CLPP: variants seen among roughly 807,000 people sequenced by gnomAD.
CLPP encodes ATP-dependent Clp protease proteolytic subunit, mitochondrial.
A neutral mutation model predicts 27.4 loss-of-function variants in CLPP; 14 were observed. That is an observed-to-expected ratio of 0.51 (90% CI 0.34 to 0.80). The LOEUF (loss-of-function observed/expected upper bound fraction) is 0.80. Among genes scored for constraint, CLPP ranks in the 30% least tolerant of loss-of-function variants. CLPP has a pLI of 0.02. For synonymous variants in CLPP, 193 were observed against 166.6 expected (o/e 1.16, Z -1.22); for missense variants, 361 against 403.6 (o/e 0.89, Z 0.90).
intron 4 of CLPP, 108 bp downstream of exon 4, chr19:6,364,747 G>A (rs1169561669): frequency 2.2e-6 from 2 of 915,738 alleles, no homozygotes; most frequent in African/African-American, 1.8e-5. Context: ...TTTTTTTTTT[G>A]AGATGGAGTC....
At position 6,361,886 on chromosome 19, in the gene CLPP, C is replaced by T. The variant is rs746981582; in HGVS notation, c.216C>T (p.Ala72=). The T allele has an allele frequency of 1.7e-5, 27 of 1,599,078 alleles. No individual in the cohort carries two copies. In the African/African-American group the frequency reaches 3.5e-4, roughly 21 times the overall value. ...VVEQTGRGER[A]YDIYSRLLRE... ...ACCCCCAGGGTCGCGGCGAGCGCGCCTATGACATCTACTCGCGGCTGCTGC... is the reference window on the plus strand; with the variant it reads ...ACCCCCAGGGTCGCGGCGAGCGCGCTTATGACATCTACTCGCGGCTGCTGC... Residue 72 remains alanine, a synonymous_variant, in exon 2 of 6, where the codon GCC becomes GCT. Transcript: ENST00000245816.
At chr19:6,363,743 C>A (rs2091847678) in intron 3 of CLPP, among the ~76,000 whole-genome samples, 1 of 151,576 alleles carries the variant, frequency 6.6e-6, no homozygotes. Context: ...ACTAAAAATA[C>A]AAAAATTAGC....
chr19:6,364,439 C>T lies in CLPP; in HGVS notation c.368-13C>T, dbSNP rs2091851460. On this transcript the variant is annotated splice_polypyrimidine_tract_variant and intron_variant, in intron 3 of 5. Coordinates refer to ENST00000245816, the MANE Select transcript of CLPP (RefSeq NM_006012.4). ...GAGCTGGTCCAGCCCCTCACTTGCT[C>T]CCCCGCCCACAGGTGGTGTGGTGAC... 1 of 1,599,092 alleles carries T rather than the reference C, an allele frequency of 6.3e-7. No individual in the cohort carries two copies. Among genetic ancestry groups the T allele is most frequent in the East Asian group, 2.3e-5 (1 of 44,062 alleles).
Position 6,367,431 on chromosome 19 carries a change from A to G in CLPP, c.661+1068A>G, listed in dbSNP as rs193214609. ...CACAGCATCACAGATGAATTTTGCAAATATGTTGCATGAAAGAAGAATAAA... is the reference window on the plus strand; with the variant it reads ...CACAGCATCACAGATGAATTTTGCAGATATGTTGCATGAAAGAAGAATAAA... On this transcript the variant is annotated intron_variant, in intron 5 of 5. Transcript: ENST00000245816. 3.7e-4 allele frequency among the ~76,000 whole-genome samples: 56 copies of G among 152,194 alleles called. 1 individual carries two copies. The highest frequency in any genetic ancestry group is 1.1e-3 in the African/African-American group (47 of 41,532).
intron 3 of CLPP, among the ~76,000 whole-genome samples, chr19:6,363,471 AC>A (rs557646345): frequency 1.3e-5 from 2 of 152,098 alleles, no homozygotes; most frequent in Non-Finnish European, 2.9e-5. Flanking sequence ...CCCATGGTCC[AC>A]TGGCACATCT....
chr19:6,362,092 C>T (rs2091837837), intron 2 of CLPP, 152 bp downstream of exon 2: 1 of 706,116 alleles, frequency 1.4e-6, no homozygotes, highest in Non-Finnish European at 2.4e-6. Context: ...TCCTGGCTCC[C>T]GGTCCCCCAA....
At chr19:6,362,059 CT>C (rs2091837569) in intron 2 of CLPP, 119 bp downstream of exon 2, 5 of 909,592 alleles carry the variant, frequency 5.5e-6, no homozygotes, top group Non-Finnish European at 6.7e-6. Flanking sequence ...TTCTAACCCC[CT>C]TCCCTCCCCT....
chr19:6,362,054 A>T, intron 2 of CLPP, 114 bp downstream of exon 2: 1 of 954,642 alleles, frequency 1.0e-6, no homozygotes, highest in African/African-American at 1.8e-5. Flanking sequence ...TCCCCTTCTA[A>T]CCCCCTTCCC....
intron 2 of CLPP, chr19:6,362,161 C>A: frequency 1.7e-6 from 1 of 602,092 alleles, no homozygotes; most frequent in Non-Finnish European, 3.0e-6. Context: ...CTTCCTGACA[C>A]CTGGCACCGC....
intron 5 of CLPP, among the ~76,000 whole-genome samples, chr19:6,367,290 G>A (rs1371695649): frequency 1.3e-5 from 2 of 149,980 alleles, no homozygotes; most frequent in African/African-American, 2.5e-5. Context: ...CATGAGAATC[G>A]CTTGAACCTG....
At chr19:6,362,863 G>A (rs1302688148) in intron 3 of CLPP, among the ~76,000 whole-genome samples, 2 of 151,950 alleles carry the variant, frequency 1.3e-5, no homozygotes, top group Non-Finnish European at 2.9e-5. Context: ...TGAGGCGGGC[G>A]GATTGCTCGA....
At chr19:6,364,395 A>G (rs886658441) in intron 3 of CLPP, 57 bp from the exon 4 acceptor site, 2 of 1,509,414 alleles carry the variant, frequency 1.3e-6, no homozygotes, top group African/African-American at 1.4e-5. Flanking sequence ...AGGAGATGGA[A>G]TAGGGAAAGG....
chr19:6,364,408 C>T lies in CLPP; in HGVS notation c.368-44C>T, dbSNP rs779555007. The T allele has an allele frequency of 8.3e-5, 129 of 1,551,598 alleles. 2 individuals are homozygous for T. In the East Asian group the frequency reaches 1.2e-3, roughly 14 times the overall value. On this transcript the variant is annotated intron_variant, in intron 3 of 5. Transcript: ENST00000245816. ...TTAGGAGATGGAATAGGGAAAGGGTCGGGGGGAGCTGGTCCAGCCCCTCAC... is the reference window on the plus strand; with the variant it reads ...TTAGGAGATGGAATAGGGAAAGGGTTGGGGGGAGCTGGTCCAGCCCCTCAC...
At chr19:6,364,419 G>C in intron 3 of CLPP, 33 bp from the exon 4 acceptor site, 1 of 1,580,478 alleles carries the variant, frequency 6.3e-7, no homozygotes, top group East Asian at 2.3e-5. Flanking sequence ...GGGGGGAGCT[G>C]GTCCAGCCCC....
intron 4 of CLPP, among the ~76,000 whole-genome samples, chr19:6,365,531 A>C (rs1014683638): frequency 6.6e-6 from 1 of 152,134 alleles, no homozygotes; most frequent in Non-Finnish European, 1.5e-5. Context: ...GTCTCTTGAG[A>C]ATTAGCTTCA....
chr19:6,366,101 AAGCAGG>A (rs1441613177), intron 4 of CLPP, among the ~76,000 whole-genome samples, 151 bp from the exon 5 acceptor site: 1 of 152,214 alleles, frequency 6.6e-6, no homozygotes, highest in Non-Finnish European at 1.5e-5. Context: ...GGCAAGACTG[AAGCAGG>A]ATATCGGGGG....
At chr19:6,366,209 T>C in intron 4 of CLPP, 49 bp from the exon 5 acceptor site, 2 of 1,348,452 alleles carry the variant, frequency 1.5e-6, no homozygotes, top group Non-Finnish European at 2.1e-6. Context: ...TGTGAGGGGC[T>C]GACGCCGATA....
rs993290260 is a variant in CLPP, at chr19:6,368,745, G to C, written c.*35G>C. ...CTCCTCTCCAGAATCATGTGGAGGG[G>C]CCAGAGGCCTGCCAGACCCCCAGCT... On this transcript the variant is annotated 3_prime_UTR_variant, in exon 6 of 6. Transcript: ENST00000245816. The C allele has an allele frequency of 2.6e-6, 4 of 1,537,198 alleles. No homozygotes were observed. The highest frequency in any genetic ancestry group is 3.5e-6 in the Non-Finnish European group (4 of 1,139,544).
intron 4 of CLPP, 32 bp from the exon 5 acceptor site, chr19:6,366,226 T>C: frequency 1.3e-6 from 2 of 1,504,782 alleles, no homozygotes; most frequent in Non-Finnish European, 9.2e-7. Context: ...GATACCAACC[T>C]TTACCCCCTC....
Sources: allele counts gnomAD v4.1 joint callset (sites outside exome capture counted in the v4.1 genomes callset), GRCh38; gene constraint gnomAD v4.1.1; transcripts MANE v1.5; gene names NCBI Gene and HGNC (gene_info 2026-07-23, HGNC 2026-07-21).